The following PALM2AKAP2 variants were observed in gnomAD, a reference collection of about 807,000 sequenced individuals.
The protein encoded by PALM2AKAP2 is PALM2 and AKAP2 fusion.
PALM2AKAP2 carries 37 observed loss-of-function variants against 71.5 expected under a neutral mutation model. That is an observed-to-expected ratio of 0.52 (90% CI 0.40 to 0.68). The LOEUF (loss-of-function observed/expected upper bound fraction) is 0.68, where lower values mean the gene tolerates loss of function less well. PALM2AKAP2 is among the 30% of genes least tolerant of loss of function. The probability of loss-of-function intolerance (pLI) is 0.00; values close to 1 mark genes in which losing one functional copy is unlikely to be tolerated. For missense variants in PALM2AKAP2, 1,224 were observed against 1,191.8 expected, an observed-to-expected ratio of 1.03 and a Z score of -0.40; for synonymous variants, 468 against 478.8, an observed-to-expected ratio of 0.98 and a Z score of 0.29.
intron 6 of PALM2AKAP2, among the ~76,000 whole-genome samples, chr9:109,973,736 G>T (rs1451517704): frequency 6.6e-6 from 1 of 152,204 alleles, no homozygotes; most frequent in Non-Finnish European, 1.5e-5. Flanking sequence ...CTGTGAGGTA[G>T]GTATTATTAT....
At chr9:109,653,623 G>A (rs1827255700) in intron 1 of PALM2AKAP2, among the ~76,000 whole-genome samples, 2 of 152,188 alleles carry the variant, frequency 1.3e-5, no homozygotes, top group Non-Finnish European at 2.9e-5. Context: ...GGGTCATGTT[G>A]AAAAGCAGAT....
At chr9:109,920,899 A>G (rs1396614249) in intron 3 of PALM2AKAP2, among the ~76,000 whole-genome samples, 1 of 152,148 alleles carries the variant, frequency 6.6e-6, no homozygotes, top group Non-Finnish European at 1.5e-5. Flanking sequence ...TCCTCTACTC[A>G]TTGAATTAAT....
chr9:109,985,886 A>G (rs929395415), intron 6 of PALM2AKAP2, among the ~76,000 whole-genome samples: 1 of 151,978 alleles, frequency 6.6e-6, no homozygotes, highest in Admixed American at 6.5e-5. Flanking sequence ...CTGCCCTCAA[A>G]TGATCCCCCC....
intron 1 of PALM2AKAP2, among the ~76,000 whole-genome samples, chr9:109,860,884 G>T (rs562412958): frequency 6.6e-6 from 1 of 152,142 alleles, no homozygotes; most frequent in Non-Finnish European, 1.5e-5. Flanking sequence ...AAGGTTTGGG[G>T]CAAGGAAACA....
intron 2 of PALM2AKAP2, among the ~76,000 whole-genome samples, chr9:110,154,391 A>T (rs1836396893): frequency 6.6e-6 from 1 of 152,340 alleles, no homozygotes; most frequent in East Asian, 1.9e-4. Flanking sequence ...TAAGCCTTCA[A>T]TTAAAAAGTC....
At chr9:109,723,708 T>C (rs551959652) in intron 1 of PALM2AKAP2, among the ~76,000 whole-genome samples, 55 of 152,214 alleles carry the variant, frequency 3.6e-4, no homozygotes, top group Non-Finnish European at 7.1e-4. Flanking sequence ...TAATTCAGTA[T>C]GGCTGAAGTA....
chr9:109,927,275 A>G (rs1402428713), intron 5 of PALM2AKAP2, among the ~76,000 whole-genome samples: 2 of 152,190 alleles, frequency 1.3e-5, no homozygotes, highest in Admixed American at 6.5e-5. Context: ...CAATGTGGTG[A>G]AGCACATCCC....
At chr9:109,880,415 T>C (rs922341302) in intron 2 of PALM2AKAP2, 136 bp from the exon 3 acceptor site, 1 of 1,285,208 alleles carries the variant, frequency 7.8e-7, no homozygotes, top group Non-Finnish European at 1.1e-6. Context: ...TAGGGAGCCA[T>C]GTTAGTGAGG....
At chr9:110,010,654 T>A (rs1363350171) in intron 6 of PALM2AKAP2, among the ~76,000 whole-genome samples, 2 of 145,342 alleles carry the variant, frequency 1.4e-5, no homozygotes, top group Non-Finnish European at 3.0e-5. Flanking sequence ...AATACTTAAA[T>A]TTATAGAATA....
At chr9:110,078,982 T>C (rs1273805328) in intron 1 of PALM2AKAP2, among the ~76,000 whole-genome samples, 1 of 152,236 alleles carries the variant, frequency 6.6e-6, no homozygotes, top group East Asian at 1.9e-4. Context: ...TGTAGTTAAT[T>C]TGAAATATCG....
rs1243899037 is a variant in PALM2AKAP2 at position 110,168,383 on chromosome 9, TC to T, written c.2749-12del. On this transcript the variant is annotated splice_polypyrimidine_tract_variant and intron_variant, in intron 3 of 3. Coordinates refer to ENST00000374525, the Ensembl canonical transcript of PALM2AKAP2. ...CATCCATGAACTCTGCATAATTTTT[TC>T]CCCTCTCTTTACAGGTCCTCGAGGC... 9.3e-6 allele frequency: 15 copies of T among 1,611,402 alleles called. No individual in the cohort carries two copies. Among genetic ancestry groups the T allele is most frequent in the Non-Finnish European group, 1.3e-5 (15 of 1,179,308 alleles).
intron 5 of PALM2AKAP2, among the ~76,000 whole-genome samples, chr9:109,929,017 G>T (rs1192757497): frequency 6.6e-6 from 1 of 152,078 alleles, no homozygotes; most frequent in Non-Finnish European, 1.5e-5. Context: ...TCTAAGTGCT[G>T]TAGACTTCAA....
At chr9:109,691,867 T>C (rs376244879) in intron 1 of PALM2AKAP2, among the ~76,000 whole-genome samples, 169 of 51,476 alleles carry the variant, frequency 3.3e-3, no homozygotes, top group Admixed American at 6.0e-3. Flanking sequence ...TATATATATA[T>C]ACACACACAC....
chr9:109,888,152 C>T (rs574800367), intron 3 of PALM2AKAP2, among the ~76,000 whole-genome samples: 1 of 152,138 alleles, frequency 6.6e-6, no homozygotes, highest in Non-Finnish European at 1.5e-5. Context: ...TAAACCTCTG[C>T]GGGAAACAGT....
chr9:110,085,727 T>C (rs1834556046), intron 1 of PALM2AKAP2, among the ~76,000 whole-genome samples: 1 of 152,192 alleles, frequency 6.6e-6, no homozygotes, highest in Non-Finnish European at 1.5e-5. Context: ...TTGAGGGGGA[T>C]GCCAATGGAT....
In PALM2AKAP2 at chr9:109,657,452, T is replaced by TTTTGTGTGTGTGTGTGTGTGTG. The variant is rs112474230; in HGVS notation, c.5+16587_5+16588insTTGTGTGTGTGTGTGTGTGTGT. ...TCTGAGAACAAAAGCAATATGGTAT[T>TTTTGTGTGTGTGTGTGTGTGTG]TGTGTGTGTGTGTGTGTGTGTGTGT... On this transcript the variant is annotated intron_variant, in intron 1 of 6. Coordinates refer to the PALM2AKAP2 transcript ENST00000374531. Among the ~76,000 whole-genome samples, 209 of 147,208 alleles carry TTTTGTGTGTGTGTGTGTGTGTG rather than the reference T, an allele frequency of 1.4e-3. 2 individuals are homozygous for TTTTGTGTGTGTGTGTGTGTGTG. Among genetic ancestry groups the TTTTGTGTGTGTGTGTGTGTGTG allele is most frequent in the African/African-American group, 5.0e-3 (195 of 39,320 alleles).
chr9:110,164,039 G>A (rs1836667996), intron 3 of PALM2AKAP2, among the ~76,000 whole-genome samples: 1 of 152,086 alleles, frequency 6.6e-6, no homozygotes, highest in Non-Finnish European at 1.5e-5. Context: ...TTTAAATATA[G>A]AGCTGACCTG....
chr9:110,134,701 C>T (rs1056810971), intron 1 of PALM2AKAP2, among the ~76,000 whole-genome samples: 15 of 152,262 alleles, frequency 9.9e-5, no homozygotes, highest in Admixed American at 3.3e-4. Flanking sequence ...TCCTGAGAAT[C>T]GTCCTAAGGT....
Position 109,741,122 on chromosome 9 carries a change from T to C in PALM2AKAP2, c.6-39366T>C, listed in dbSNP as rs375798973. On this transcript the variant is annotated intron_variant, in intron 1 of 6. Coordinates refer to the PALM2AKAP2 transcript ENST00000374531. ...TTCATCACCTCAGAAAGTTTATTTGTGATGCTTTCTAGTCAATTCTCCACC... is the reference window on the plus strand; with the variant it reads ...TTCATCACCTCAGAAAGTTTATTTGCGATGCTTTCTAGTCAATTCTCCACC... Among the ~76,000 whole-genome samples, 14 of 152,312 alleles carry C rather than the reference T, an allele frequency of 9.2e-5. No homozygotes were observed. In the East Asian group the frequency reaches 2.5e-3, roughly 27 times the overall value.
Sources: gnomAD v4.1 joint callset for allele counts (sites outside exome capture counted in the v4.1 genomes callset) on GRCh38, gnomAD v4.1.1 for gene constraint, MANE v1.5 for transcripts, NCBI Gene and HGNC (gene_info 2026-07-23, HGNC 2026-07-21) for gene names.